Variants in STIM2 observed in about 807,000 individuals in gnomAD.
The protein encoded by STIM2 is stromal interaction molecule 2.
In STIM2, 31 loss-of-function variants were observed where a neutral mutation model predicts 85.8. That is an observed-to-expected ratio of 0.36 (90% CI 0.27 to 0.49). The LOEUF is 0.49. Among genes scored for constraint, STIM2 ranks in the 20% least tolerant of loss-of-function variants. STIM2 has a pLI of 0.98. For missense variants in STIM2, 841 were observed against 927.6 expected (o/e 0.91, Z 1.21); for synonymous variants, 356 against 331.1 (o/e 1.08, Z -0.82).
intron 1 of STIM2, 125 bp downstream of exon 1, chr4:26,861,494 GCCCTGCCTGCTGCTTCGTCGCGGTC>G: frequency 4.9e-6 from 6 of 1,218,352 alleles, no homozygotes; most frequent in Non-Finnish European, 6.2e-6. Context: ...GCGATGCGGA[GCCCTGCCTGCTGCTTCGTCGCGGTC>G]CCCTGCACTC....
intron 1 of STIM2, among the ~76,000 whole-genome samples, chr4:26,877,749 G>A (rs80176196): frequency 0.055 from 8,398 of 152,186 alleles, 316 homozygotes; most frequent in Non-Finnish European, 0.082. Context: ...GATGGACTGA[G>A]TGGTGTTCCT....
chr4:26,940,381 A>G (rs1052390729), intron 2 of STIM2, among the ~76,000 whole-genome samples: 2 of 152,056 alleles, frequency 1.3e-5, no homozygotes, highest in Admixed American at 1.3e-4. Flanking sequence ...TCTGTCCACA[A>G]TTTCATTCTC....
chr4:27,001,124 C>A (rs1010074587), intron 5 of STIM2, among the ~76,000 whole-genome samples: 1 of 152,154 alleles, frequency 6.6e-6, no homozygotes, highest in African/African-American at 2.4e-5. Context: ...GACTTGTCAG[C>A]CTAGGAACTT....
At chr4:26,976,688 C>T (rs1021039337) in intron 3 of STIM2, among the ~76,000 whole-genome samples, 1 of 151,914 alleles carries the variant, frequency 6.6e-6, no homozygotes, top group African/African-American at 2.4e-5. Flanking sequence ...CCTGTAATTC[C>T]AGCTACTCGA....
intron 4 of STIM2, among the ~76,000 whole-genome samples, chr4:26,997,323 C>T (rs1727993270): frequency 1.3e-5 from 2 of 152,046 alleles, no homozygotes; most frequent in African/African-American, 4.8e-5. Flanking sequence ...ACATTAAAAC[C>T]CTTTACATTT....
chr4:26,912,172 C>A (rs1402339463), intron 1 of STIM2, among the ~76,000 whole-genome samples: 1 of 152,190 alleles, frequency 6.6e-6, no homozygotes, highest in South Asian at 2.1e-4. Flanking sequence ...TTAAAAAGTT[C>A]TCTCAGTGGT....
intron 2 of STIM2, among the ~76,000 whole-genome samples, chr4:26,948,627 A>G (rs1375018217): frequency 6.6e-6 from 1 of 152,070 alleles, no homozygotes; most frequent in African/African-American, 2.4e-5. Context: ...CCTCCCCAAA[A>G]CTTCATATGA....
Position 27,023,017 on chromosome 4 carries a change from C to T in STIM2, c.*21C>T. ...AGTGAACTGGCTGACTTGATGGAAT[C>T]ATGTTCAAGTGGCATCTGTAAACTA... is the stretch of plus-strand genomic sequence containing the variant. On this transcript the variant is annotated 3_prime_UTR_variant, in exon 12 of 12. Coordinates refer to ENST00000467087, the MANE Select transcript of STIM2 (RefSeq NM_020860.4). 1 of 1,596,634 alleles carries T rather than the reference C, an allele frequency of 6.3e-7. No homozygotes were observed. The highest frequency in any genetic ancestry group is 8.5e-7 in the Non-Finnish European group (1 of 1,173,826).
chr4:27,012,370 A>C (rs1329745534), intron 10 of STIM2, among the ~76,000 whole-genome samples: 1 of 152,118 alleles, frequency 6.6e-6, no homozygotes, highest in Non-Finnish European at 1.5e-5. Context: ...TTATTAATCA[A>C]TTCCATTTAT....
chr4:26,910,785 C>T (rs965093254), intron 1 of STIM2, among the ~76,000 whole-genome samples: 3 of 152,138 alleles, frequency 2.0e-5, no homozygotes, highest in African/African-American at 2.4e-5. Context: ...TATAGAGAGG[C>T]TCTGAGATCA....
intron 1 of STIM2, among the ~76,000 whole-genome samples, chr4:26,875,243 T>C (rs1471518446): frequency 1.3e-5 from 2 of 152,220 alleles, no homozygotes; most frequent in African/African-American, 4.8e-5. Flanking sequence ...CCATATGCTA[T>C]ATAGTATTTT....
intron 1 of STIM2, among the ~76,000 whole-genome samples, chr4:26,896,295 T>C (rs1723698990): frequency 6.6e-6 from 1 of 152,252 alleles, no homozygotes. Flanking sequence ...AAATTTCCTT[T>C]TGAAGTGAAG....
At chr4:26,878,444 G>A (rs1417564552) in intron 1 of STIM2, among the ~76,000 whole-genome samples, 2 of 152,246 alleles carry the variant, frequency 1.3e-5, no homozygotes, top group African/African-American at 4.8e-5. Flanking sequence ...TGTCCTTGAA[G>A]CATAGTAGGC....
chr4:26,901,392 T>C (rs1723915363), intron 1 of STIM2, among the ~76,000 whole-genome samples: 1 of 152,172 alleles, frequency 6.6e-6, no homozygotes, highest in Non-Finnish European at 1.5e-5. Flanking sequence ...TTCATTATAC[T>C]TTTATTGACT....
intron 2 of STIM2, among the ~76,000 whole-genome samples, chr4:26,950,005 T>A (rs1238107976): frequency 6.6e-6 from 1 of 152,228 alleles, no homozygotes; most frequent in Non-Finnish European, 1.5e-5. Flanking sequence ...TTTTAAGTGC[T>A]TACAGGTACT....
intron 1 of STIM2, among the ~76,000 whole-genome samples, chr4:26,899,258 A>G (rs536081991): frequency 1.3e-5 from 2 of 152,156 alleles, no homozygotes; most frequent in South Asian, 2.1e-4. Context: ...TGTTAAACCA[A>G]TCTTCTGTCC....
chr4:26,876,435 G>C (rs1472247793), intron 1 of STIM2, among the ~76,000 whole-genome samples: 1 of 152,046 alleles, frequency 6.6e-6, no homozygotes, highest in African/African-American at 2.4e-5. Flanking sequence ...CATTTTAAAA[G>C]TCTTAAAACT....
chr4:26,997,823 T>A (rs971286167), intron 4 of STIM2, among the ~76,000 whole-genome samples: 1 of 152,220 alleles, frequency 6.6e-6, no homozygotes, highest in African/African-American at 2.4e-5. Context: ...GTGGAGAAGA[T>A]AAAGGAAGGC....
chr4:26,946,555 T>A (rs886158399), intron 2 of STIM2, among the ~76,000 whole-genome samples: 1 of 152,170 alleles, frequency 6.6e-6, no homozygotes, highest in Admixed American at 6.6e-5. Context: ...GACTAGTTTG[T>A]GTGTGTGTGT....
Sources: gnomAD v4.1 joint callset for allele counts (sites outside exome capture counted in the v4.1 genomes callset) on GRCh38, gnomAD v4.1.1 for gene constraint, MANE v1.5 for transcripts, NCBI Gene and HGNC (gene_info 2026-07-23, HGNC 2026-07-21) for gene names.